GPRC6A: variants seen among roughly 807,000 people sequenced by gnomAD.
GPRC6A encodes G protein-coupled receptor class C group 6 member A, also known as G protein-coupled receptor family C group 6 member A.
A neutral mutation model predicts 47.0 loss-of-function variants in GPRC6A; 54 were observed. The ratio of observed to expected loss-of-function variants is 1.15; its 90% CI spans 0.92 to 1.44. The LOEUF is 1.44. Ranked by LOEUF, GPRC6A falls within the 40% of genes most tolerant of loss-of-function variation. GPRC6A has a pLI of 0.00. For missense variants in GPRC6A, 1,112 were observed against 1,105.5 expected (o/e 1.01, Z -0.08); for synonymous variants, 347 against 377.1 (o/e 0.92, Z 0.93).
chr6:116,817,955 C>T (rs966745563), intron 1 of GPRC6A, among the ~76,000 whole-genome samples: 4 of 151,946 alleles, frequency 2.6e-5, no homozygotes, highest in Non-Finnish European at 5.9e-5. Flanking sequence ...GGAAAACACT[C>T]TGCAGGATAT....
chr6:116,820,607 C>T (rs1241492423), intron 1 of GPRC6A, among the ~76,000 whole-genome samples: 1 of 149,046 alleles, frequency 6.7e-6, no homozygotes, highest in Non-Finnish European at 1.5e-5. Context: ...AAGACAAAAA[C>T]CACATGATTA....
At chr6:116,816,717 T>A (rs1007157147) in intron 1 of GPRC6A, among the ~76,000 whole-genome samples, 3 of 152,204 alleles carry the variant, frequency 2.0e-5, no homozygotes, top group Non-Finnish European at 4.4e-5. Context: ...AGGCATTGCC[T>A]CACTTGGGAA....
chr6:116,810,001 G>A (rs72963952), intron 1 of GPRC6A, among the ~76,000 whole-genome samples: 15,549 of 152,050 alleles, frequency 0.1, 945 homozygotes, highest in Middle Eastern at 0.3. Flanking sequence ...TCTAGTCTGT[G>A]TGATTGGAAA....
At chr6:116,808,880 A>G (rs1335720208) in intron 2 of GPRC6A, among the ~76,000 whole-genome samples, 1 of 151,974 alleles carries the variant, frequency 6.6e-6, no homozygotes, top group East Asian at 1.9e-4. Context: ...ATTGGCTTGC[A>G]TTCCAGGGAA....
At chr6:116,824,062 T>C (rs1773595957) in intron 1 of GPRC6A, among the ~76,000 whole-genome samples, 1 of 151,960 alleles carries the variant, frequency 6.6e-6, no homozygotes, top group East Asian at 1.9e-4. Context: ...ATCCAAACCA[T>C]ATCAATAACA....
intron 4 of GPRC6A, among the ~76,000 whole-genome samples, chr6:116,800,286 C>T (rs1230413237): frequency 7.2e-6 from 1 of 139,658 alleles, no homozygotes; most frequent in Admixed American, 7.2e-5. Context: ...CCCTCCCTTC[C>T]TTCCTCTCTT....
chr6:116,792,770 A>G lies in GPRC6A; in HGVS notation c.2153T>C (p.Ile718Thr). 1 of 1,614,016 alleles carries G rather than the reference A, an allele frequency of 6.2e-7. No homozygotes were observed. ...TGCAAAGATTAGCCAGAGTGTGCAA[A>G]TGACAACCTGGATGCCCGTGCAAGT... ...IFTCTGIQVV[I>T]CTLWLIFAAP... The change falls in exon 6 of 6, where the codon ATT (isoleucine) becomes ACT (threonine). Residue 718 changes from isoleucine to threonine, a missense_variant. Coordinates refer to ENST00000310357, the MANE Select transcript of GPRC6A (RefSeq NM_148963.4).
chr6:116,824,448 A>G (rs1251857575), intron 1 of GPRC6A, among the ~76,000 whole-genome samples: 3 of 152,062 alleles, frequency 2.0e-5, no homozygotes, highest in Non-Finnish European at 4.4e-5. Flanking sequence ...AAAGATTATC[A>G]GAGACTATTA....
chr6:116,809,120 T>C (rs1455906310), intron 2 of GPRC6A, among the ~76,000 whole-genome samples, 194 bp downstream of exon 2: 2 of 152,208 alleles, frequency 1.3e-5, no homozygotes, highest in Non-Finnish European at 2.9e-5. Flanking sequence ...CTAGACCTGA[T>C]AGACTGAGGG....
intron 5 of GPRC6A, 55 bp downstream of exon 5, chr6:116,795,657 G>GA (rs566487235): frequency 9.2e-4 from 1,241 of 1,352,862 alleles, no homozygotes; most frequent in South Asian, 1.9e-3. Flanking sequence ...TTCATGCAAA[G>GA]AAAAAAAAAG....
intron 4 of GPRC6A, among the ~76,000 whole-genome samples, chr6:116,797,065 G>A (rs947497275): frequency 1.3e-5 from 2 of 151,022 alleles, no homozygotes; most frequent in Non-Finnish European, 2.9e-5. Flanking sequence ...CCCAGAGTGT[G>A]ATGTTCCCCT....
At chr6:116,820,150 T>C (rs1453334964) in intron 1 of GPRC6A, among the ~76,000 whole-genome samples, 2 of 150,956 alleles carry the variant, frequency 1.3e-5, no homozygotes, top group Admixed American at 6.6e-5. Flanking sequence ...CTCCCAAGAC[T>C]AAACCAGGAA....
At chr6:116,817,313 T>A (rs1358656276) in intron 1 of GPRC6A, among the ~76,000 whole-genome samples, 1 of 151,998 alleles carries the variant, frequency 6.6e-6, no homozygotes, top group African/African-American at 2.4e-5. Flanking sequence ...CCAACAGACC[T>A]GCAGCTGAGG....
chr6:116,810,730 A>C (rs928531444), intron 1 of GPRC6A, among the ~76,000 whole-genome samples: 2 of 151,846 alleles, frequency 1.3e-5, no homozygotes, highest in Admixed American at 6.5e-5. Context: ...TCTTTATTAA[A>C]ATTTTAAATT....
At chr6:116,794,289 C>T (rs989846770) in intron 5 of GPRC6A, among the ~76,000 whole-genome samples, 4 of 152,178 alleles carry the variant, frequency 2.6e-5, no homozygotes, top group Non-Finnish European at 4.4e-5. Context: ...TCTTTCCGAA[C>T]TCTATTCCCC....
chr6:116,824,195 A>C (rs1336900045), intron 1 of GPRC6A, among the ~76,000 whole-genome samples: 2 of 152,092 alleles, frequency 1.3e-5, no homozygotes, highest in African/African-American at 4.8e-5. Flanking sequence ...GGAACTAGAA[A>C]AGCAAAAAAA....
intron 2 of GPRC6A, among the ~76,000 whole-genome samples, chr6:116,808,263 C>G (rs922292483): frequency 3.9e-5 from 6 of 152,108 alleles, no homozygotes; most frequent in African/African-American, 1.4e-4. Context: ...AAGAGCTGAG[C>G]TTTCTTAAAA....
intron 1 of GPRC6A, among the ~76,000 whole-genome samples, chr6:116,823,723 G>T (rs763282556): frequency 1.1e-4 from 17 of 152,118 alleles, no homozygotes; most frequent in Non-Finnish European, 2.2e-4. Context: ...AGGTTTAATT[G>T]GCTCATGGAT....
chr6:116,816,654 C>T (rs928457564), intron 1 of GPRC6A, among the ~76,000 whole-genome samples: 9 of 152,166 alleles, frequency 5.9e-5, no homozygotes, highest in Non-Finnish European at 1.3e-4. Flanking sequence ...GAGTGCCAGA[C>T]AGTGGGCGCA....
Sources: allele counts gnomAD v4.1 joint callset (sites outside exome capture counted in the v4.1 genomes callset), GRCh38; gene constraint gnomAD v4.1.1; transcripts MANE v1.5; gene names NCBI Gene and HGNC (gene_info 2026-07-23, HGNC 2026-07-21).